The following GLIS3 variants were observed in gnomAD, a reference collection of about 807,000 sequenced individuals.
The protein encoded by GLIS3 is GLIS family zinc finger 3, also known as zinc finger protein GLIS3.
GLIS3 carries 53 observed loss-of-function variants against 78.6 expected under a neutral mutation model. The ratio of observed to expected loss-of-function variants is 0.67; its 90% CI spans 0.54 to 0.85. The LOEUF is 0.85. Ranked by LOEUF, GLIS3 falls within the 40% of genes least tolerant of loss-of-function variation. GLIS3 has a pLI of 0.00. For missense variants in GLIS3, 1,703 were observed against 1,231.1 expected, an observed-to-expected ratio of 1.38 and a Z score of -5.74; for synonymous variants, 684 against 509.9, an observed-to-expected ratio of 1.34 and a Z score of -4.60.
chr9:4,103,049 G>T (rs1021841360), intron 4 of GLIS3, among the ~76,000 whole-genome samples: 8 of 152,072 alleles, frequency 5.3e-5, no homozygotes, highest in African/African-American at 1.9e-4. Context: ...GAGGCATCCT[G>T]CTGGAGCCAA....
rs1164255778 is a variant in GLIS3, at chr9:4,299,591, C to T, written c.-269G>A. 6.6e-6 allele frequency: 1 copy of T among 152,618 alleles called. No homozygotes were observed. The highest frequency in any genetic ancestry group is 1.5e-5 in the Non-Finnish European group (1 of 68,066). The allele number at this position is 152,618 out of a possible 1,614,324, so 9.5% of individuals were successfully genotyped here. A position where few individuals can be genotyped will look rare whatever the true frequency, so the allele number is the denominator to read the frequency against. On this transcript the variant is annotated 5_prime_UTR_variant, in exon 1 of 11. Coordinates refer to ENST00000381971, the MANE Select transcript of GLIS3 (RefSeq NM_001042413.2). ...TCGGAAATGAAAACCCCCATCCAAACGGGGGGACGGAGCGCGGAAACCCGG... is the reference window on the plus strand; with the variant it reads ...TCGGAAATGAAAACCCCCATCCAAATGGGGGGACGGAGCGCGGAAACCCGG...
the GLIS3 span, among the ~76,000 whole-genome samples, chr9:4,400,067 C>T: frequency 0.017 from 2,512 of 152,210 alleles, 78 homozygotes; most frequent in African/African-American, 0.057. Flanking sequence ...ACCTTGGAAG[C>T]CATGTAACGA....
At position 4,060,747 on chromosome 9, in the gene GLIS3, G is replaced by C. The variant is rs1826579777; in HGVS notation, c.1710+57021C>G. On this transcript the variant is annotated intron_variant, in intron 4 of 10. Transcript: ENST00000381971. ...CAGCTTCCACAACTGTAAGATAGAA[G>C]TTCCTTTTCTTGTTAAATTATCCAG... Among the ~76,000 whole-genome samples, 3 of 152,308 alleles carry C rather than the reference G, an allele frequency of 2.0e-5. No homozygotes were observed. The South Asian group carries it at 6.2e-4, about 32-fold the overall frequency.
chr9:4,313,198 T>A (rs760169430), intron 2 of GLIS3, among the ~76,000 whole-genome samples: 9 of 152,182 alleles, frequency 5.9e-5, no homozygotes, highest in Non-Finnish European at 1.2e-4. Flanking sequence ...GGTGTAGCTG[T>A]CATCAAACTC....
intron 4 of GLIS3, among the ~76,000 whole-genome samples, chr9:4,039,941 G>C (rs959037299): frequency 1.3e-5 from 2 of 152,206 alleles, no homozygotes; most frequent in Non-Finnish European, 2.9e-5. Flanking sequence ...CCCAAGGCCA[G>C]TGCATCACAA....
At chr9:4,081,632 C>T (rs1461951725) in intron 4 of GLIS3, among the ~76,000 whole-genome samples, 1 of 152,210 alleles carries the variant, frequency 6.6e-6, no homozygotes, top group African/African-American at 2.4e-5. Context: ...TGCTAAGCCA[C>T]TGTGATTTGG....
chr9:4,283,261 G>GTTTTT (rs369306104), intron 2 of GLIS3, among the ~76,000 whole-genome samples: 3 of 76,384 alleles, frequency 3.9e-5, no homozygotes, highest in African/African-American at 2.4e-4. Flanking sequence ...CTGTTTTTTT[G>GTTTTT]TTTTTTTGTT....
the GLIS3 span, among the ~76,000 whole-genome samples, chr9:4,354,101 G>A: frequency 6.6e-6 from 1 of 151,600 alleles, no homozygotes; most frequent in Non-Finnish European, 1.5e-5. Context: ...CTCCCAAAGC[G>A]CTGGGATTAC....
At chr9:4,474,698 T>A in the GLIS3 span, among the ~76,000 whole-genome samples, 1 of 36,516 alleles carries the variant, frequency 2.7e-5, no homozygotes, top group Non-Finnish European at 1.1e-4. Flanking sequence ...TCCAAAGCAA[T>A]TTTTTTTTTT....
the GLIS3 span, among the ~76,000 whole-genome samples, chr9:4,374,841 CATG>C: frequency 6.6e-6 from 1 of 152,282 alleles, no homozygotes; most frequent in Non-Finnish European, 1.5e-5. Flanking sequence ...CATCAACACA[CATG>C]CACATATGTG....
At chr9:3,857,188 T>C (rs1819852065) in intron 8 of GLIS3, among the ~76,000 whole-genome samples, 1 of 152,138 alleles carries the variant, frequency 6.6e-6, no homozygotes, top group Non-Finnish European at 1.5e-5. Flanking sequence ...AGCAAATGAA[T>C]TGTTTAGTTT....
intron 2 of GLIS3, among the ~76,000 whole-genome samples, chr9:4,167,660 G>T (rs189977577): frequency 6.6e-5 from 10 of 152,302 alleles, no homozygotes; most frequent in Admixed American, 5.9e-4. Flanking sequence ...TGTACACGTT[G>T]GTAGCACAAG....
intron 7 of GLIS3, among the ~76,000 whole-genome samples, chr9:3,894,262 C>G (rs879649278): frequency 6.6e-6 from 1 of 152,102 alleles, no homozygotes; most frequent in Non-Finnish European, 1.5e-5. Context: ...CATATAGTTA[C>G]GTTGTTTAAT....
At chr9:4,169,123 T>A (rs1187418285) in intron 2 of GLIS3, among the ~76,000 whole-genome samples, 1 of 152,172 alleles carries the variant, frequency 6.6e-6, no homozygotes, top group Non-Finnish European at 1.5e-5. Context: ...TAGTTAATTG[T>A]TGGTCAAGCT....
intron 2 of GLIS3, among the ~76,000 whole-genome samples, chr9:4,170,559 C>T (rs186291624): frequency 7.9e-5 from 12 of 152,264 alleles, no homozygotes; most frequent in Non-Finnish European, 1.5e-4. Flanking sequence ...TCTTGTTCTC[C>T]AAGCACATAC....
intron 4 of GLIS3, among the ~76,000 whole-genome samples, chr9:3,975,685 A>C (rs1417923418): frequency 2.0e-5 from 3 of 152,132 alleles, no homozygotes; most frequent in Non-Finnish European, 4.4e-5. Flanking sequence ...GCACTCTTCC[A>C]AATAAACATA....
At chr9:4,318,746 A>G (rs969521811) in intron 2 of GLIS3, among the ~76,000 whole-genome samples, 4 of 152,226 alleles carry the variant, frequency 2.6e-5, no homozygotes, top group African/African-American at 4.8e-5. Flanking sequence ...CTCTGCAGTA[A>G]TAACAGATGA....
upstream of GLIS3, among the ~76,000 whole-genome samples, chr9:4,350,771 TG>T (rs35996941): frequency 0.19 from 28,380 of 152,084 alleles, 2,787 homozygotes; most frequent in Middle Eastern, 0.3. Flanking sequence ...CAAAATGCCT[TG>T]GGGTAAAAAA....
intron 2 of GLIS3, among the ~76,000 whole-genome samples, chr9:4,330,356 C>T (rs2130564347): frequency 1.3e-5 from 2 of 152,346 alleles, no homozygotes. Context: ...TGGCACAGGC[C>T]CTGCGAGTTG....
Sources: gnomAD v4.1 joint callset for allele counts (sites outside exome capture counted in the v4.1 genomes callset) on GRCh38, gnomAD v4.1.1 for gene constraint, MANE v1.5 for transcripts, NCBI Gene and HGNC (gene_info 2026-07-23, HGNC 2026-07-21) for gene names.